Variants in TNKS2 observed in about 807,000 individuals in gnomAD.
The protein encoded by TNKS2 is tankyrase 2, also known as poly [ADP-ribose] polymerase tankyrase-2.
A neutral mutation model predicts 137.6 loss-of-function variants in TNKS2; 72 were observed. That is an observed-to-expected ratio of 0.52 (90% CI 0.43 to 0.64). The LOEUF is 0.64. Ranked by LOEUF, TNKS2 falls within the 30% of genes least tolerant of loss-of-function variation. The pLI is 0.00. For missense variants in TNKS2, 1,049 were observed against 1,410.2 expected, an observed-to-expected ratio of 0.74 and a Z score of 4.10; for synonymous variants, 516 against 512.1, an observed-to-expected ratio of 1.01 and a Z score of -0.10.
chr10:91,859,034 G>A (rs1483608422), intron 24 of TNKS2, among the ~76,000 whole-genome samples: 4 of 151,976 alleles, frequency 2.6e-5, no homozygotes, highest in African/African-American at 7.2e-5. Context: ...AAAAAAGAAT[G>A]TGAAAGTCTA....
At chr10:91,846,736 GT>G (rs1300283456) in intron 18 of TNKS2, among the ~76,000 whole-genome samples, 1 of 132,874 alleles carries the variant, frequency 7.5e-6, no homozygotes, top group Non-Finnish European at 1.5e-5. Context: ...GCTTAAGTAG[GT>G]TTTTCTCAGT....
chr10:91,852,152 C>T (rs982710702), intron 21 of TNKS2, among the ~76,000 whole-genome samples: 14 of 151,406 alleles, frequency 9.2e-5, no homozygotes, highest in African/African-American at 3.2e-4. Flanking sequence ...GGCGTGAACC[C>T]GGGAAGCGGA....
At chr10:91,816,094 G>T (rs890737644) in intron 2 of TNKS2, among the ~76,000 whole-genome samples, 2 of 151,716 alleles carry the variant, frequency 1.3e-5, no homozygotes, top group African/African-American at 4.8e-5. Context: ...GACTACAGGC[G>T]CCCGCCACCA....
intron 1 of TNKS2, among the ~76,000 whole-genome samples, chr10:91,808,962 C>G (rs1844412438): frequency 6.6e-6 from 1 of 152,128 alleles, no homozygotes; most frequent in African/African-American, 2.4e-5. Flanking sequence ...GGCAACTTCA[C>G]TCTTCCATTA....
intron 21 of TNKS2, among the ~76,000 whole-genome samples, chr10:91,852,492 G>A (rs779681379): frequency 2.0e-5 from 3 of 152,084 alleles, no homozygotes; most frequent in Non-Finnish European, 2.9e-5. Context: ...CCCGGGAGGC[G>A]GAACTTGCAG....
At chr10:91,840,733 CTCTT>C in intron 14 of TNKS2, 27 bp downstream of exon 14, 1 of 1,574,640 alleles carries the variant, frequency 6.4e-7, no homozygotes, top group Non-Finnish European at 8.6e-7. Flanking sequence ...GTTATGGACT[CTCTT>C]CCTTACTTTT....
At chr10:91,815,999 A>G (rs1288138964) in intron 2 of TNKS2, among the ~76,000 whole-genome samples, 1 of 130,274 alleles carries the variant, frequency 7.7e-6, no homozygotes, top group Non-Finnish European at 1.5e-5. Flanking sequence ...CCTAGGCTGG[A>G]GTGCAGTGGC....
At chr10:91,821,453 C>T (rs1844890022) in intron 6 of TNKS2, among the ~76,000 whole-genome samples, 1 of 151,992 alleles carries the variant, frequency 6.6e-6, no homozygotes, top group South Asian at 2.1e-4. Flanking sequence ...TAAGGAAAGC[C>T]ATGAACCTTT....
intron 24 of TNKS2, among the ~76,000 whole-genome samples, chr10:91,858,491 G>C (rs1842771354): frequency 1.3e-5 from 2 of 152,134 alleles, no homozygotes; most frequent in Admixed American, 1.3e-4. Context: ...ATATTTTCCT[G>C]TCTGTCTGTG....
At chr10:91,850,863 T>G (rs1842520576) in intron 20 of TNKS2, among the ~76,000 whole-genome samples, 1 of 152,248 alleles carries the variant, frequency 6.6e-6, no homozygotes, top group Non-Finnish European at 1.5e-5. Context: ...ATTACTGTAT[T>G]AAAGGTAAAA....
intron 23 of TNKS2, among the ~76,000 whole-genome samples, chr10:91,856,099 A>G (rs1842697282): frequency 6.6e-6 from 1 of 152,140 alleles, no homozygotes; most frequent in Admixed American, 6.5e-5. Context: ...GTCCCCAAAT[A>G]TATTATCTTT....
rs1409235180 is a variant in TNKS2 at position 91,857,550 on chromosome 10, A to C, written c.3094+20A>C. On this transcript the variant is annotated intron_variant, in intron 24 of 26. Coordinates refer to ENST00000371627, the MANE Select transcript of TNKS2 (RefSeq NM_025235.4). ...TTCATGGTAAGATTCCTCCCCACCA[A>C]CTCTACCACTGTCTTCCACATTAGG... 1 of 1,495,664 alleles carries C rather than the reference A, an allele frequency of 6.7e-7. No individual in the cohort carries two copies. The highest frequency in any genetic ancestry group is 9.3e-7 in the Non-Finnish European group (1 of 1,076,850). 92.6% of individuals were successfully genotyped at this position (1,495,664 alleles called of 1,614,324 possible). A position where few individuals can be genotyped will look rare whatever the true frequency, so the allele number is the denominator to read the frequency against.
At chr10:91,811,595 GT>G (rs1844508456) in intron 1 of TNKS2, among the ~76,000 whole-genome samples, 1 of 152,078 alleles carries the variant, frequency 6.6e-6, no homozygotes, top group South Asian at 2.1e-4. Flanking sequence ...GCCCAGCAAT[GT>G]TAAAACAAAA....
At chr10:91,814,651 A>T (rs1254025619) in intron 2 of TNKS2, among the ~76,000 whole-genome samples, 3 of 152,154 alleles carry the variant, frequency 2.0e-5, no homozygotes, top group African/African-American at 7.2e-5. Flanking sequence ...ATTTAGACAT[A>T]CTTAGTTACA....
chr10:91,858,869 C>G (rs1320629855), intron 24 of TNKS2, among the ~76,000 whole-genome samples: 1 of 152,114 alleles, frequency 6.6e-6, no homozygotes, highest in Non-Finnish European at 1.5e-5. Flanking sequence ...GTTAGCCAGG[C>G]ATGGTGGTGT....
Position 91,798,865 on chromosome 10 carries a change from TCCAC to T in TNKS2, c.178_181del (p.Thr60ArgfsTer13). 1 of 1,362,264 alleles carries T rather than the reference TCCAC, an allele frequency of 7.3e-7. No individual in the cohort carries two copies. Among genetic ancestry groups the T allele is most frequent in the Non-Finnish European group, 9.5e-7 (1 of 1,049,294 alleles). The allele number at this position is 1,362,264 out of a possible 1,614,324, so 84.4% of individuals were successfully genotyped here. ...CAGCCGCGACACGGCGGGCAGGAAA[TCCAC>T]CCCGCTGCACTTCGCCGCAGGTAAC... On this transcript the variant is annotated frameshift_variant, in exon 1 of 27. Coordinates refer to ENST00000371627, the MANE Select transcript of TNKS2 (RefSeq NM_025235.4). LOFTEE classifies it high-confidence loss of function.
chr10:91,810,285 G>A (rs185407131), intron 1 of TNKS2, among the ~76,000 whole-genome samples: 3 of 151,996 alleles, frequency 2.0e-5, no homozygotes, highest in Admixed American at 6.5e-5. Flanking sequence ...AGCTAAGGCA[G>A]GAGAATCGCT....
chr10:91,854,807 G>A (rs1415467375), intron 21 of TNKS2, among the ~76,000 whole-genome samples: 1 of 151,500 alleles, frequency 6.6e-6, no homozygotes, highest in Non-Finnish European at 1.5e-5. Flanking sequence ...GGATGCTAAG[G>A]CAGGAGAATC....
At chr10:91,852,032 T>C (rs1013819422) in intron 21 of TNKS2, among the ~76,000 whole-genome samples, 4 of 151,734 alleles carry the variant, frequency 2.6e-5, no homozygotes, top group African/African-American at 4.8e-5. Flanking sequence ...ATCCAGACCA[T>C]CCTGGCTAAC....
Sources: allele counts gnomAD v4.1 joint callset (sites outside exome capture counted in the v4.1 genomes callset), GRCh38; gene constraint gnomAD v4.1.1; transcripts MANE v1.5; gene names NCBI Gene and HGNC (gene_info 2026-07-23, HGNC 2026-07-21).